Variants in ARHGEF26 observed in about 807,000 individuals in gnomAD.
ARHGEF26 encodes Rho guanine nucleotide exchange factor 26.
Under a neutral mutation model 89.4 loss-of-function variants are expected in ARHGEF26, and 59 were observed. The ratio of observed to expected loss-of-function variants is 0.66; its 90% CI spans 0.54 to 0.82. The LOEUF (loss-of-function observed/expected upper bound fraction) is 0.82, where lower values mean the gene tolerates loss of function less well. Among genes scored for constraint, ARHGEF26 ranks in the 40% least tolerant of loss-of-function variants. The pLI, the probability that ARHGEF26 is intolerant of heterozygous loss-of-function variation, is 0.00. For missense variants in ARHGEF26, 1,234 were observed against 1,085.6 expected (o/e 1.14, Z -1.92); for synonymous variants, 500 against 428.4 (o/e 1.17, Z -2.06).
intron 9 of ARHGEF26, among the ~76,000 whole-genome samples, chr3:154,207,820 A>C (rs1715121311): frequency 6.6e-6 from 1 of 152,224 alleles, no homozygotes; most frequent in Non-Finnish European, 1.5e-5. Flanking sequence ...AGCACTACTT[A>C]CAATAACAAA....
chr3:154,149,518 C>G, intron 5 of ARHGEF26, 73 bp downstream of exon 5: 1 of 1,315,776 alleles, frequency 7.6e-7, no homozygotes, highest in Non-Finnish European at 1.0e-6. Flanking sequence ...TGTGTTTTCA[C>G]TTACTGTGTG....
chr3:154,137,848 A>G (rs1228013342), intron 4 of ARHGEF26, among the ~76,000 whole-genome samples: 1 of 151,734 alleles, frequency 6.6e-6, no homozygotes, highest in African/African-American at 2.4e-5. Context: ...AAGAAGAAGA[A>G]TTGGGACATT....
intron 10 of ARHGEF26, among the ~76,000 whole-genome samples, chr3:154,220,206 A>G (rs1418139036): frequency 6.6e-6 from 1 of 152,230 alleles, no homozygotes; most frequent in Non-Finnish European, 1.5e-5. Flanking sequence ...TTATCCAAGT[A>G]CATGGCAAGT....
intron 3 of ARHGEF26, among the ~76,000 whole-genome samples, chr3:154,126,742 C>T (rs540783021): frequency 3.5e-4 from 54 of 152,260 alleles, no homozygotes; most frequent in African/African-American, 1.3e-3. Flanking sequence ...ACTAGACATA[C>T]CCAAGCTTTT....
chr3:154,161,475 T>G (rs1337242500), intron 6 of ARHGEF26, among the ~76,000 whole-genome samples: 1 of 152,204 alleles, frequency 6.6e-6, no homozygotes, highest in African/African-American at 2.4e-5. Context: ...AGACAAGTTC[T>G]TTAGTAGCAA....
intron 9 of ARHGEF26, among the ~76,000 whole-genome samples, chr3:154,217,437 C>T (rs1012869416): frequency 5.9e-5 from 9 of 151,760 alleles, no homozygotes; most frequent in East Asian, 1.9e-4. Context: ...GGATATTAGC[C>T]CTTTGTCAGA....
chr3:154,177,171 T>G (rs1434311304), intron 6 of ARHGEF26, among the ~76,000 whole-genome samples: 1 of 152,192 alleles, frequency 6.6e-6, no homozygotes, highest in Non-Finnish European at 1.5e-5. Flanking sequence ...TACAGAAATT[T>G]CCCTAAAGAA....
intron 11 of ARHGEF26, among the ~76,000 whole-genome samples, chr3:154,227,126 A>T (rs1716540820): frequency 6.6e-6 from 1 of 152,130 alleles, no homozygotes; most frequent in African/African-American, 2.4e-5. Context: ...GCTGAAATGA[A>T]ATGTTAGTAT....
intron 12 of ARHGEF26, among the ~76,000 whole-genome samples, chr3:154,240,830 CTTTATT>C (rs2108284178): frequency 6.6e-6 from 1 of 152,198 alleles, no homozygotes; most frequent in Admixed American, 6.5e-5. Context: ...TAGGTGATGT[CTTTATT>C]TTTATAGAGT....
chr3:154,134,395 A>G (rs1258741110), intron 4 of ARHGEF26, among the ~76,000 whole-genome samples: 1 of 152,154 alleles, frequency 6.6e-6, no homozygotes, highest in Non-Finnish European at 1.5e-5. Context: ...GGAGCAAGTC[A>G]CGCCTTATGT....
chr3:154,221,146 C>CAA (rs112349744), intron 10 of ARHGEF26, among the ~76,000 whole-genome samples: 150 of 132,642 alleles, frequency 1.1e-3, no homozygotes, highest in African/African-American at 3.3e-3. Flanking sequence ...TTGTGTAAAA[C>CAA]AAAAAAAAAA....
intron 3 of ARHGEF26, among the ~76,000 whole-genome samples, chr3:154,126,502 T>C (rs1453814775): frequency 6.6e-6 from 1 of 152,202 alleles, no homozygotes; most frequent in African/African-American, 2.4e-5. Context: ...ACTACCCCAA[T>C]AGCTTCTTAG....
chr3:154,156,489 G>C (rs1720348196), intron 6 of ARHGEF26, among the ~76,000 whole-genome samples: 1 of 151,986 alleles, frequency 6.6e-6, no homozygotes, highest in South Asian at 2.1e-4. Context: ...CAAATGCAAT[G>C]CTTTAATATG....
At chr3:154,192,053 G>C (rs1400700411) in intron 8 of ARHGEF26, among the ~76,000 whole-genome samples, 2 of 152,200 alleles carry the variant, frequency 1.3e-5, no homozygotes, top group African/African-American at 4.8e-5. Flanking sequence ...GGAAAGACAG[G>C]TAGGCTATGG....
chr3:154,172,832 G>T (rs1290711127), intron 6 of ARHGEF26, among the ~76,000 whole-genome samples: 4 of 152,162 alleles, frequency 2.6e-5, no homozygotes, highest in Non-Finnish European at 5.9e-5. Flanking sequence ...TGGGTCATTT[G>T]TAGTGATTTG....
At chr3:154,156,003 AATT>A (rs1448278220) in intron 6 of ARHGEF26, among the ~76,000 whole-genome samples, 1 of 152,032 alleles carries the variant, frequency 6.6e-6, no homozygotes, top group Non-Finnish European at 1.5e-5. Context: ...TCTAGATTTT[AATT>A]ATTTGAAAGG....
intron 11 of ARHGEF26, among the ~76,000 whole-genome samples, chr3:154,237,575 T>TACA (rs1322838552): frequency 3.4e-5 from 2 of 58,256 alleles, no homozygotes; most frequent in African/African-American, 1.4e-4. Flanking sequence ...CACACACACT[T>TACA]AACTAGTTTA....
intron 11 of ARHGEF26, among the ~76,000 whole-genome samples, chr3:154,238,035 T>C (rs1009700675): frequency 6.6e-6 from 1 of 152,216 alleles, no homozygotes; most frequent in Non-Finnish European, 1.5e-5. Context: ...GTTTTGGTTT[T>C]TATCCTGAGT....
intron 6 of ARHGEF26, among the ~76,000 whole-genome samples, chr3:154,157,978 T>A (rs1239821539): frequency 6.6e-6 from 1 of 152,156 alleles, no homozygotes; most frequent in Non-Finnish European, 1.5e-5. Context: ...AGCAGTGGTT[T>A]GTAAGCAGTG....
Sources: allele counts gnomAD v4.1 joint callset (sites outside exome capture counted in the v4.1 genomes callset), GRCh38; gene constraint gnomAD v4.1.1; transcripts MANE v1.5; gene names NCBI Gene and HGNC (gene_info 2026-07-23, HGNC 2026-07-21).